CERKL: variants seen among roughly 807,000 people sequenced by gnomAD.
The protein encoded by CERKL is CERK like autophagy regulator.
Under a neutral mutation model 63.4 loss-of-function variants are expected in CERKL, and 61 were observed. The observed-to-expected ratio is 0.96, with a 90% CI of 0.78 to 1.19. The LOEUF is 1.19. Among genes scored for constraint, CERKL ranks in the 50% most tolerant of loss-of-function variants. CERKL has a pLI of 0.00. For missense variants in CERKL, 675 were observed against 655.5 expected (o/e 1.03, Z -0.33); for synonymous variants, 250 against 230.5 (o/e 1.08, Z -0.77).
intron 2 of CERKL, among the ~76,000 whole-genome samples, chr2:181,587,953 C>G (rs1684834058): frequency 6.6e-6 from 1 of 151,958 alleles, no homozygotes; most frequent in African/African-American, 2.4e-5. Context: ...GACTTGTGTA[C>G]TATATGTTGA....
intron 1 of CERKL, among the ~76,000 whole-genome samples, chr2:181,640,786 C>A (rs1389684419): frequency 6.6e-6 from 1 of 152,208 alleles, no homozygotes; most frequent in Non-Finnish European, 1.5e-5. Context: ...CTACTTTGGA[C>A]AACCCCATCT....
At chr2:181,542,642 A>C (rs1006659688) in intron 11 of CERKL, among the ~76,000 whole-genome samples, 1 of 152,162 alleles carries the variant, frequency 6.6e-6, no homozygotes, top group African/African-American at 2.4e-5. Context: ...AAAAAAAAAA[A>C]AATAGCATGG....
At chr2:181,653,999 C>G (rs1310019411) in intron 1 of CERKL, among the ~76,000 whole-genome samples, 2 of 152,112 alleles carry the variant, frequency 1.3e-5, no homozygotes, top group Non-Finnish European at 2.9e-5. Context: ...AATATCAAAA[C>G]ATCAAATAGT....
intron 8 of CERKL, chr2:181,548,188 T>C (rs1251269784): frequency 1.9e-5 from 10 of 521,544 alleles, no homozygotes; most frequent in East Asian, 1.7e-4. Context: ...TTTTGGTGCA[T>C]TGTTGTATTC....
chr2:181,613,297 T>C (rs954615871), intron 1 of CERKL, among the ~76,000 whole-genome samples: 4 of 152,232 alleles, frequency 2.6e-5, no homozygotes, highest in Admixed American at 2.0e-4. Flanking sequence ...TGAACCACAG[T>C]TCTGCCTGCA....
intron 1 of CERKL, among the ~76,000 whole-genome samples, chr2:181,612,109 G>A (rs182326732): frequency 4.2e-4 from 64 of 152,246 alleles, no homozygotes; most frequent in Non-Finnish European, 7.1e-4. Context: ...AACTGAAGAC[G>A]GAATGTAAGT....
In CERKL at chr2:181,603,875, C is replaced by G; in HGVS notation, c.443G>C (p.Cys148Ser). 1.9e-6 allele frequency: 3 copies of G among 1,613,046 alleles called. No homozygotes were observed. The highest frequency in any genetic ancestry group is 1.7e-4 in the Middle Eastern group (1 of 6,052). Reference protein sequence around the residue: ...LDLINLSEDHCDIWFRQFKKI... With the variant: ...LDLINLSEDHSDIWFRQFKKI... ...CTTGAACTGTCTAAACCATATGTCACAGTGGTCTTCACTTAAATTAATAAG... is the reference window on the plus strand; with the variant it reads ...CTTGAACTGTCTAAACCATATGTCAGAGTGGTCTTCACTTAAATTAATAAG... Residue 148 changes from cysteine (C) to serine (S), a missense_variant, in exon 2 of 13, where the codon TGT becomes TCT. Physicochemically the swap from Cys to Ser is moderately radical, Grantham distance 112. Transcript: ENST00000410087.
chr2:181,591,704 G>GGAGA (rs1684997353), intron 2 of CERKL, among the ~76,000 whole-genome samples: 2 of 152,052 alleles, frequency 1.3e-5, no homozygotes, highest in Non-Finnish European at 2.9e-5. Flanking sequence ...CAAATACAAA[G>GGAGA]GAGAGACACA....
chr2:181,594,101 T>C (rs539236899), intron 2 of CERKL, among the ~76,000 whole-genome samples: 1 of 152,222 alleles, frequency 6.6e-6, no homozygotes, highest in Admixed American at 6.5e-5. Flanking sequence ...ACATAATAGA[T>C]AAGGAGAATA....
rs1186954021 is a variant in CERKL, at chr2:181,537,097, A to G, written c.*1087T>C. On this transcript the variant is annotated 3_prime_UTR_variant, in exon 13 of 13. Coordinates refer to ENST00000410087, the MANE Select transcript of CERKL (RefSeq NM_201548.5). ...GAACCCAGAGTGTGTATACACAGGA[A>G]TAAACTTTATGACATTTATGTATTT... 2.2e-6 allele frequency: 1 copy of G among 452,414 alleles called. No individual in the cohort carries two copies. Among genetic ancestry groups the G allele is most frequent in the East Asian group, 6.9e-5 (1 of 14,392 alleles). The allele number at this position is 452,414 out of a possible 1,614,324, so 28.0% of individuals were successfully genotyped here.
At chr2:181,625,515 A>C (rs774948065) in intron 1 of CERKL, among the ~76,000 whole-genome samples, 2 of 152,198 alleles carry the variant, frequency 1.3e-5, no homozygotes, top group African/African-American at 2.4e-5. Context: ...AGAATGTTAG[A>C]ATTTGATAGC....
At chr2:181,641,158 C>T (rs1049106523) in intron 1 of CERKL, among the ~76,000 whole-genome samples, 3 of 151,952 alleles carry the variant, frequency 2.0e-5, no homozygotes, top group Non-Finnish European at 4.4e-5. Flanking sequence ...AACAATGTAT[C>T]ACAATGACCA....
At chr2:181,596,357 A>G (rs1256685348) in intron 2 of CERKL, among the ~76,000 whole-genome samples, 1 of 152,228 alleles carries the variant, frequency 6.6e-6, no homozygotes, top group Non-Finnish European at 1.5e-5. Context: ...TAAAAATGCC[A>G]CCAGGGCCCG....
At chr2:181,557,927 A>G (rs541831774) in intron 5 of CERKL, among the ~76,000 whole-genome samples, 1 of 152,290 alleles carries the variant, frequency 6.6e-6, no homozygotes, top group East Asian at 1.9e-4. Context: ...TCCAAGTGTC[A>G]TTTACTATAT....
At chr2:181,646,504 C>T (rs1687679042) in intron 1 of CERKL, among the ~76,000 whole-genome samples, 1 of 152,192 alleles carries the variant, frequency 6.6e-6, no homozygotes, top group Admixed American at 6.5e-5. Flanking sequence ...AGGAAAGTTG[C>T]TTTTCTTGTA....
chr2:181,544,713 C>A lies in CERKL; in HGVS notation c.1352G>T (p.Ser451Ile). 1 of 1,597,886 alleles carries A rather than the reference C, an allele frequency of 6.3e-7. No individual in the cohort carries two copies. The highest frequency in any genetic ancestry group is 8.6e-7 in the Non-Finnish European group (1 of 1,167,808). ...EFIKHLKRYA[S>I]VKNQFNFPFV... ...AATTTACTATACCTGATTTTTTACA[C>A]TGGCATATCTTTTCAGGTGTTTTAT... The change falls in exon 11 of 13, where the codon AGT becomes ATT. Residue 451 changes from serine (S) to isoleucine (I), a missense_variant. Ser to Ile is a moderately radical substitution (Grantham distance 142, BLOSUM62 -2). Transcript: ENST00000410087.
chr2:181,554,794 C>A (rs1256810944), intron 5 of CERKL, among the ~76,000 whole-genome samples: 1 of 152,170 alleles, frequency 6.6e-6, no homozygotes. Context: ...GGCACACTGT[C>A]TCCTCATGTT....
chr2:181,547,571 T>A, intron 10 of CERKL, 47 bp downstream of exon 10: 1 of 1,490,596 alleles, frequency 6.7e-7, no homozygotes, highest in Middle Eastern at 1.7e-4. Context: ...GGAAAAAAAA[T>A]GGTCTATAAG....
intron 1 of CERKL, among the ~76,000 whole-genome samples, chr2:181,647,326 A>G (rs1687711464): frequency 6.6e-6 from 1 of 152,220 alleles, no homozygotes; most frequent in African/African-American, 2.4e-5. Flanking sequence ...TTTTAAATAA[A>G]CATAGAAGAA....
Sources: gnomAD v4.1 joint callset for allele counts (sites outside exome capture counted in the v4.1 genomes callset) on GRCh38, gnomAD v4.1.1 for gene constraint, MANE v1.5 for transcripts, NCBI Gene and HGNC (gene_info 2026-07-23, HGNC 2026-07-21) for gene names.